Variants in EPC1 observed in about 807,000 individuals in gnomAD.
EPC1 encodes enhancer of polycomb homolog 1.
In EPC1, 12 loss-of-function variants were observed where a neutral mutation model predicts 98.4. The observed-to-expected ratio is 0.12, with a 90% CI of 0.08 to 0.20. EPC1 has a LOEUF of 0.20. Ranked by LOEUF, EPC1 falls within the 10% of genes least tolerant of loss-of-function variation. The pLI is 1.00. For missense variants in EPC1, 729 were observed against 990.5 expected, an observed-to-expected ratio of 0.74 and a Z score of 3.54; for synonymous variants, 357 against 363.9, an observed-to-expected ratio of 0.98 and a Z score of 0.21.
chr10:32,301,697 A>T (rs1427154855), intron 2 of EPC1, among the ~76,000 whole-genome samples: 1 of 152,210 alleles, frequency 6.6e-6, no homozygotes, highest in African/African-American at 2.4e-5. Flanking sequence ...CTTTTTAAAC[A>T]AATGATGCTG....
chr10:32,339,984 G>T (rs1838237233), intron 1 of EPC1, among the ~76,000 whole-genome samples: 1 of 152,112 alleles, frequency 6.6e-6, no homozygotes, highest in Non-Finnish European at 1.5e-5. Context: ...TATATAAAAA[G>T]ATTAGAACCT....
intron 1 of EPC1, 106 bp downstream of exon 1, chr10:32,346,657 A>G (rs1366510597): frequency 6.3e-6 from 7 of 1,114,852 alleles, no homozygotes; most frequent in Non-Finnish European, 9.2e-6. Context: ...GTCGGCGGCG[A>G]AGAGAAGATG....
At chr10:32,358,067 C>G (rs1430634235) in intron 1 of EPC1, among the ~76,000 whole-genome samples, 1 of 151,880 alleles carries the variant, frequency 6.6e-6, no homozygotes, top group East Asian at 1.9e-4. Flanking sequence ...GTTGGCCAGG[C>G]TAGTCTCGAA....
chr10:32,306,073 C>A, intron 1 of EPC1, 142 bp from the exon 2 acceptor site: 1 of 680,748 alleles, frequency 1.5e-6, no homozygotes, highest in Non-Finnish European at 2.2e-6. Flanking sequence ...GTTGTTAACA[C>A]GATACAACTA....
At chr10:32,347,845 C>T (rs1223137460), upstream of EPC1, among the ~76,000 whole-genome samples, 5 of 152,262 alleles carry the variant, frequency 3.3e-5, no homozygotes, top group Non-Finnish European at 7.3e-5. Context: ...CGCATCAAGT[C>T]ATTGATCCGT....
At chr10:32,290,215 C>T (rs12250406) in intron 6 of EPC1, among the ~76,000 whole-genome samples, 2,909 of 152,156 alleles carry the variant, frequency 0.019, 96 homozygotes, top group African/African-American at 0.067. Flanking sequence ...GGTGCAGTGG[C>T]TCACGCCTAT....
At chr10:32,293,551 T>C (rs552904414) in intron 3 of EPC1, 41 bp downstream of exon 3, 39 of 1,571,594 alleles carry the variant, frequency 2.5e-5, no homozygotes, top group Admixed American at 3.6e-5. Context: ...GTTCTTTACA[T>C]AGAATATGTA....
At chr10:32,305,011 C>T (rs1219344201) in intron 2 of EPC1, among the ~76,000 whole-genome samples, 1 of 151,620 alleles carries the variant, frequency 6.6e-6, no homozygotes, top group Non-Finnish European at 1.5e-5. Flanking sequence ...TTTTACCTTA[C>T]TAACCTTTCA....
chr10:32,291,329 T>C lies in EPC1; in HGVS notation c.816-7A>G. The stretch of plus-strand genomic sequence containing the variant: ...GTAGTCGCCCAAATTATACCTAAAA[T>C]TATACAAATGAAAGTTTAAAATTAT... On this transcript the variant is annotated splice_polypyrimidine_tract_variant and splice_region_variant and intron_variant, in intron 5 of 13. Coordinates refer to ENST00000319778, the MANE Select transcript of EPC1 (RefSeq NM_001272004.3). 6.3e-7 allele frequency: 1 copy of C among 1,599,784 alleles called. No homozygotes were observed. The highest frequency in any genetic ancestry group is 8.5e-7 in the Non-Finnish European group (1 of 1,172,006).
upstream of EPC1, chr10:32,347,614 G>T (rs1442715435): frequency 6.6e-6 from 1 of 152,096 alleles, no homozygotes; most frequent in Non-Finnish European, 1.5e-5. Context: ...CTGCCCCGGG[G>T]CCACGGCCGC....
intron 1 of EPC1, among the ~76,000 whole-genome samples, chr10:32,338,918 A>T (rs901189050): frequency 4.0e-5 from 6 of 150,470 alleles, no homozygotes; most frequent in Non-Finnish European, 7.4e-5. Flanking sequence ...AGCCTGGGCA[A>T]CAGAGGGAGA....
intron 1 of EPC1, among the ~76,000 whole-genome samples, chr10:32,343,721 T>TA (rs1299433833): frequency 5.3e-5 from 8 of 151,460 alleles, no homozygotes; most frequent in Non-Finnish European, 7.4e-5. Flanking sequence ...GGCTTCTACT[T>TA]AAAGTTGTTT....
chr10:32,358,098 AC>A (rs1839333175), intron 1 of EPC1, among the ~76,000 whole-genome samples: 1 of 151,400 alleles, frequency 6.6e-6, no homozygotes, highest in East Asian at 1.9e-4. Flanking sequence ...CAAGTGATCC[AC>A]CCGCCTCAGC....
chr10:32,365,039 C>T (rs1839559756), intron 1 of EPC1, among the ~76,000 whole-genome samples: 1 of 151,752 alleles, frequency 6.6e-6, no homozygotes, highest in Admixed American at 6.6e-5. Context: ...GTAAAGAAAG[C>T]ACTAAGAGAA....
intron 1 of EPC1, among the ~76,000 whole-genome samples, chr10:32,322,163 G>A (rs1045090297): frequency 6.6e-6 from 1 of 150,672 alleles, no homozygotes; most frequent in African/African-American, 2.5e-5. Context: ...TCTTAATCAC[G>A]CATTAGCCTT....
chr10:32,347,274 C>A (rs867915738), upstream of EPC1: 34 of 1,013,340 alleles, frequency 3.4e-5, no homozygotes, highest in Non-Finnish European at 3.9e-5. Flanking sequence ...GCGCGCGTCC[C>A]GCCAACCCCC....
intron 1 of EPC1, among the ~76,000 whole-genome samples, chr10:32,364,843 G>A (rs1310137242): frequency 6.6e-6 from 1 of 151,814 alleles, no homozygotes; most frequent in East Asian, 1.9e-4. Context: ...GCCCAGGACA[G>A]CTTTGAATGC....
At chr10:32,341,898 T>C (rs143198121) in intron 1 of EPC1, among the ~76,000 whole-genome samples, 260 of 152,346 alleles carry the variant, frequency 1.7e-3, no homozygotes, top group African/African-American at 5.5e-3. Context: ...CTTTGAGAAA[T>C]TGATGACAAG....
intron 1 of EPC1, among the ~76,000 whole-genome samples, chr10:32,315,514 C>T (rs1836500996): frequency 6.6e-6 from 1 of 152,168 alleles, no homozygotes; most frequent in African/African-American, 2.4e-5. Flanking sequence ...TTAAAAGCAA[C>T]AATATCATAC....
Sources: allele counts gnomAD v4.1 joint callset (sites outside exome capture counted in the v4.1 genomes callset), GRCh38; gene constraint gnomAD v4.1.1; transcripts MANE v1.5; gene names NCBI Gene and HGNC (gene_info 2026-07-23, HGNC 2026-07-21).